PLCH1: variants seen among roughly 807,000 people sequenced by gnomAD.
PLCH1 encodes the protein 1-phosphatidylinositol 4,5-bisphosphate phosphodiesterase eta-1.
PLCH1 carries 60 observed loss-of-function variants against 126.7 expected under a neutral mutation model. The ratio of observed to expected loss-of-function variants is 0.47; its 90% CI spans 0.38 to 0.59. The LOEUF (loss-of-function observed/expected upper bound fraction) is 0.59, where lower values mean the gene tolerates loss of function less well. Among genes scored for constraint, PLCH1 ranks in the 20% least tolerant of loss-of-function variants. The probability of loss-of-function intolerance (pLI) is 0.00; values close to 1 mark genes in which losing one functional copy is unlikely to be tolerated. For synonymous variants in PLCH1, 719 were observed against 734.9 expected (o/e 0.98, Z 0.35); for missense variants, 1,723 against 2,040.0 (o/e 0.84, Z 2.99).
At position 155,694,327 on chromosome 3, in the gene PLCH1, T is replaced by C. The variant is rs373993845; in HGVS notation, c.79+9819A>G. On this transcript the variant is annotated intron_variant, in intron 2 of 22. Transcript: ENST00000460012. ...TGGGACCCAGGAAATAGTTTGGTTT[T>C]ATTTTTGTTTTTGTTTTATCCCCAG... is the stretch of plus-strand genomic sequence containing the variant. Among the ~76,000 whole-genome samples, 19 of 152,346 alleles carry C rather than the reference T, an allele frequency of 1.2e-4. No individual in the cohort carries two copies. The East Asian group carries it at 3.7e-3, about 29-fold the overall frequency.
chr3:155,673,969 T>G (rs1453283531), intron 2 of PLCH1, among the ~76,000 whole-genome samples: 1 of 152,232 alleles, frequency 6.6e-6, no homozygotes, highest in South Asian at 2.1e-4. Context: ...CTTACATATC[T>G]GGGGTCCTTT....
chr3:155,486,098 T>A (rs1395110004), intron 21 of PLCH1: 1 of 1,214,294 alleles, frequency 8.2e-7, no homozygotes, highest in African/African-American at 1.5e-5. Flanking sequence ...CCATAACCAC[T>A]TAAAAAGAAA....
At chr3:155,664,263 A>C (rs1390578029) in intron 2 of PLCH1, among the ~76,000 whole-genome samples, 2 of 152,210 alleles carry the variant, frequency 1.3e-5, no homozygotes, top group Non-Finnish European at 2.9e-5. Context: ...CTAGTGGAAA[A>C]GCATCTTTCC....
chr3:155,537,839 T>G (rs1163440656), intron 10 of PLCH1, among the ~76,000 whole-genome samples: 1 of 152,082 alleles, frequency 6.6e-6, no homozygotes, highest in Non-Finnish European at 1.5e-5. Context: ...AGACAGGTCA[T>G]CAAGACAGAA....
chr3:155,474,532 A>T (rs2107986469), intron 21 of PLCH1, among the ~76,000 whole-genome samples: 1 of 78,172 alleles, frequency 1.3e-5, no homozygotes, highest in Middle Eastern at 5.6e-3. Context: ...TTCCTCAGGG[A>T]TCTAGAACTA....
At chr3:155,566,684 C>A (rs1035732395) in intron 7 of PLCH1, among the ~76,000 whole-genome samples, 1 of 152,058 alleles carries the variant, frequency 6.6e-6, no homozygotes, top group South Asian at 2.1e-4. Flanking sequence ...CATTTTATAA[C>A]TTTGAAATAG....
At chr3:155,719,781 G>A (rs1747805675) in intron 1 of PLCH1, among the ~76,000 whole-genome samples, 1 of 150,672 alleles carries the variant, frequency 6.6e-6, no homozygotes, top group Non-Finnish European at 1.5e-5. Flanking sequence ...AGTATTCCAT[G>A]GTATAAATAT....
At chr3:155,741,693 T>TTTTTTA (rs1559977226) in intron 1 of PLCH1, among the ~76,000 whole-genome samples, 1 of 145,652 alleles carries the variant, frequency 6.9e-6, no homozygotes, top group Non-Finnish European at 1.5e-5. Flanking sequence ...TCTTTTTTTT[T>TTTTTTA]TTTTTTTTTT....
intron 7 of PLCH1, among the ~76,000 whole-genome samples, chr3:155,566,264 TATATATAC>T (rs71624569): frequency 0.13 from 6,431 of 48,462 alleles, 1,464 homozygotes; most frequent in Admixed American, 0.22. Flanking sequence ...TATATACACA[TATATATAC>T]ATATATACAT....
Position 155,596,307 on chromosome 3 carries a change from C to A in PLCH1, c.151G>T (p.Val51Phe). ...IKLKRGTKGLVRLFYLDEHRT... is the reference protein window; with the variant it reads ...IKLKRGTKGLFRLFYLDEHRT... The stretch of plus-strand genomic sequence containing the variant: ...TGCTCATCCAGGTAAAAGAGGCGGA[C>A]AAGCCCTTTGGTTCCACGTTTCAGC... The change falls in exon 3 of 23, where the codon GTC (valine) becomes TTC (phenylalanine). Residue 51 changes from valine (V) to phenylalanine (F), a missense_variant. By Grantham distance (50) the Val-to-Phe change is conservative. Coordinates refer to ENST00000460012, the MANE Select transcript of PLCH1 (RefSeq NM_014996.4). 6.2e-7 allele frequency: 1 copy of A among 1,613,684 alleles called. No homozygotes were observed. The highest frequency in any genetic ancestry group is 8.5e-7 in the Non-Finnish European group (1 of 1,179,620).
chr3:155,541,999 G>A (rs577772164), intron 10 of PLCH1, among the ~76,000 whole-genome samples: 5 of 152,340 alleles, frequency 3.3e-5, no homozygotes, highest in Non-Finnish European at 7.3e-5. Context: ...TGAGGTACCG[G>A]GTTCATCTCA....
At chr3:155,739,409 T>C (rs1749452277) in intron 1 of PLCH1, among the ~76,000 whole-genome samples, 1 of 152,148 alleles carries the variant, frequency 6.6e-6, no homozygotes, top group Non-Finnish European at 1.5e-5. Flanking sequence ...AGTGAGCAAG[T>C]CGATGTGGAA....
chr3:155,512,696 T>G (rs1195388112), intron 12 of PLCH1, among the ~76,000 whole-genome samples: 1 of 152,180 alleles, frequency 6.6e-6, no homozygotes, highest in East Asian at 1.9e-4. Flanking sequence ...GCACACTCTG[T>G]GGGTGTCACC....
chr3:155,539,745 C>T (rs1264903670), intron 10 of PLCH1, among the ~76,000 whole-genome samples: 1 of 152,066 alleles, frequency 6.6e-6, no homozygotes, highest in Non-Finnish European at 1.5e-5. Flanking sequence ...ATAGATGACA[C>T]AAACAAATGG....
At chr3:155,549,653 A>T in intron 10 of PLCH1, 134 bp downstream of exon 10, 1 of 637,446 alleles carries the variant, frequency 1.6e-6, no homozygotes, top group Non-Finnish European at 2.7e-6. Context: ...AATAAGGCGC[A>T]TACATAGATC....
At chr3:155,452,491 T>A (rs887909102) in intron 21 of PLCH1, among the ~76,000 whole-genome samples, 1 of 152,130 alleles carries the variant, frequency 6.6e-6, no homozygotes, top group Non-Finnish European at 1.5e-5. Flanking sequence ...GCTTCTAGAA[T>A]TGAGAGTCTA....
chr3:155,590,172 T>G (rs1436704215), intron 4 of PLCH1, among the ~76,000 whole-genome samples: 2 of 152,224 alleles, frequency 1.3e-5, no homozygotes, highest in African/African-American at 4.8e-5. Flanking sequence ...CATTTTTCAT[T>G]CACAGTTGAA....
intron 2 of PLCH1, among the ~76,000 whole-genome samples, chr3:155,627,483 A>T (rs563885163): frequency 1.2e-4 from 16 of 132,312 alleles, no homozygotes; most frequent in Admixed American, 1.2e-3. Flanking sequence ...ACAAAAAAAA[A>T]ATTAGCCCGG....
intron 2 of PLCH1, among the ~76,000 whole-genome samples, chr3:155,618,195 T>TA (rs1350064962): frequency 6.6e-6 from 1 of 152,226 alleles, no homozygotes; most frequent in Non-Finnish European, 1.5e-5. Context: ...CACCTATTGT[T>TA]AGATTCTAGT....
Sources: gnomAD v4.1 joint callset for allele counts (sites outside exome capture counted in the v4.1 genomes callset) on GRCh38, gnomAD v4.1.1 for gene constraint, MANE v1.5 for transcripts, NCBI Gene and HGNC (gene_info 2026-07-23, HGNC 2026-07-21) for gene names.